The following SPINK8 variants were observed in gnomAD, a reference collection of about 807,000 sequenced individuals.
SPINK8 encodes serine peptidase inhibitor Kazal type 8 (putative).
In SPINK8, 12 loss-of-function variants were observed where a neutral mutation model predicts 14.4. The ratio of observed to expected loss-of-function variants is 0.83; its 90% CI spans 0.53 to 1.35. SPINK8 has a LOEUF of 1.35. Among genes scored for constraint, SPINK8 ranks in the 40% most tolerant of loss-of-function variants. The pLI is 0.00. For missense variants in SPINK8, 103 were observed against 117.0 expected (o/e 0.88, Z 0.55); for synonymous variants, 32 against 37.6 (o/e 0.85, Z 0.55).
chr3:48,327,109 A>G (rs969967220), intron 4 of SPINK8, among the ~76,000 whole-genome samples: 7 of 152,220 alleles, frequency 4.6e-5, no homozygotes, highest in African/African-American at 1.7e-4. Context: ...TAAGGGCCAC[A>G]TCACAAAGGC....
chr3:48,326,612 A>G (rs879773255), intron 4 of SPINK8, among the ~76,000 whole-genome samples: 119 of 150,862 alleles, frequency 7.9e-4, no homozygotes, highest in Non-Finnish European at 9.2e-4. Flanking sequence ...GTCTCAAGAA[A>G]AAAAAAAAAG....
At chr3:48,316,695 C>G (rs754536108) in intron 6 of SPINK8, among the ~76,000 whole-genome samples, 2 of 152,084 alleles carry the variant, frequency 1.3e-5, no homozygotes, top group Non-Finnish European at 2.9e-5. Flanking sequence ...ATCACTTGAG[C>G]CCAGGAGGTC....
At chr3:48,317,494 A>AT (rs1238027130) in intron 6 of SPINK8, among the ~76,000 whole-genome samples, 1 of 152,116 alleles carries the variant, frequency 6.6e-6, no homozygotes, top group African/African-American at 2.4e-5. Context: ...ATCTCAAAAA[A>AT]TAAAAAAAAA....
intron 2 of SPINK8, among the ~76,000 whole-genome samples, chr3:48,330,566 T>C (rs2036241372): frequency 6.6e-6 from 1 of 152,076 alleles, no homozygotes; most frequent in African/African-American, 2.4e-5. Flanking sequence ...AGCTCCCATA[T>C]GATGGGAAGA....
intron 4 of SPINK8, 129 bp downstream of exon 4, chr3:48,328,146 T>C (rs2036170846): frequency 2.8e-6 from 2 of 718,376 alleles, no homozygotes; most frequent in Non-Finnish European, 2.1e-6. Context: ...GGGTTTTAAT[T>C]TCTACATTTG....
At chr3:48,309,639 A>G (rs1209700070) in intron 7 of SPINK8, among the ~76,000 whole-genome samples, 2 of 152,248 alleles carry the variant, frequency 1.3e-5, no homozygotes, top group Admixed American at 6.5e-5. Flanking sequence ...TGAAGTATGT[A>G]GGAGTGAATA....
At chr3:48,315,140 CAA>C (rs1174515550) in intron 6 of SPINK8, among the ~76,000 whole-genome samples, 1 of 151,996 alleles carries the variant, frequency 6.6e-6, no homozygotes, top group Non-Finnish European at 1.5e-5. Context: ...CCATACATGA[CAA>C]AAAATGCATA....
chr3:48,308,062 C>T (rs764845969), intron 7 of SPINK8, among the ~76,000 whole-genome samples: 23 of 149,918 alleles, frequency 1.5e-4, no homozygotes, highest in Non-Finnish European at 4.4e-5. Context: ...CAAGCTCCAC[C>T]TCCCGGGTTC....
intron 6 of SPINK8, among the ~76,000 whole-genome samples, 181 bp downstream of exon 6, chr3:48,319,316 A>G (rs2036036822): frequency 6.6e-6 from 1 of 152,304 alleles, no homozygotes. Flanking sequence ...TCTGAATAGG[A>G]TCACATGTAC....
chr3:48,313,191 G>A (rs1575341251), intron 6 of SPINK8, among the ~76,000 whole-genome samples: 1 of 152,254 alleles, frequency 6.6e-6, no homozygotes, highest in East Asian at 1.9e-4. Flanking sequence ...TATCATGAAA[G>A]TAAAAGGCAA....
rs1356228781 is a variant in SPINK8 at position 48,319,512 on chromosome 3, A to C, written c.224T>G (p.Leu75Arg). The C allele has an allele frequency of 6.2e-7, 1 of 1,614,034 alleles. No individual in the cohort carries two copies. Among genetic ancestry groups the C allele is most frequent in the Non-Finnish European group, 8.5e-7 (1 of 1,179,876 alleles). Residue 75 changes from leucine to arginine, a missense_variant, in exon 6 of 8, where the codon CTG (leucine) becomes CGG (arginine). By Grantham distance (102) the Leu-to-Arg change is moderately radical. Coordinates refer to ENST00000434006, the MANE Select transcript of SPINK8 (RefSeq NM_001080525.3). ...DQVTYSSDCH[L>R]CSKILFEGLN... Reference sequence around the variant, plus strand: ...TAGGACTTACAGAATTTTGGAGCACAGATGGCAGTCACTACTGTAGGTAAC... The same window carrying C: ...TAGGACTTACAGAATTTTGGAGCACCGATGGCAGTCACTACTGTAGGTAAC...
rs199919970 is a variant in SPINK8 at position 48,310,496 on chromosome 3, AT to A, written c.240-551del. 3.8e-3 allele frequency among the ~76,000 whole-genome samples: 338 copies of A among 88,672 alleles called. 2 individuals carry two copies. Among genetic ancestry groups the A allele is most frequent in the East Asian group, 4.5e-3 (17 of 3,768 alleles). 58.2% of individuals were successfully genotyped at this position (88,672 alleles called of 152,430 possible). ...AGTACTGAATTCTACCAAAAAAAAA[AT>A]TTTTTTTTTTTTTTTTTGAGACAGA... On this transcript the variant is annotated intron_variant, in intron 6 of 7. Coordinates refer to ENST00000434006, the MANE Select transcript of SPINK8 (RefSeq NM_001080525.3).
intron 5 of SPINK8, 56 bp from the exon 6 acceptor site, chr3:48,319,674 G>C: frequency 2.5e-6 from 4 of 1,607,452 alleles, no homozygotes; most frequent in Non-Finnish European, 3.4e-6. Context: ...TCCTTTGGCC[G>C]TTATTATGTA....
intron 6 of SPINK8, among the ~76,000 whole-genome samples, chr3:48,315,825 A>G (rs1024850384): frequency 6.6e-6 from 1 of 151,984 alleles, no homozygotes; most frequent in African/African-American, 2.4e-5. Flanking sequence ...GCGAATATCA[A>G]TAAAGAGACA....
intron 6 of SPINK8, 23 bp downstream of exon 6, chr3:48,319,474 G>A (rs1384510199): frequency 6.2e-7 from 1 of 1,613,704 alleles, no homozygotes; most frequent in East Asian, 2.2e-5. Flanking sequence ...TTGAAAGAAA[G>A]GGAGAACAAA....
rs182940724 is a variant in SPINK8 at position 48,331,046 on chromosome 3, G to A, written c.-136+1320C>T. The stretch of plus-strand genomic sequence containing the variant: ...AAGGATCCCTGGTAGATCTTAGTCA[G>A]GGACTGCATCTGGGGCTCCATTTGA... On this transcript the variant is annotated intron_variant, in intron 2 of 7. Coordinates refer to ENST00000434006, the MANE Select transcript of SPINK8 (RefSeq NM_001080525.3). Among the ~76,000 whole-genome samples the A allele has an allele frequency of 2.0e-5, 3 of 152,192 alleles. No homozygotes were observed. The East Asian group carries it at 5.8e-4, about 29-fold the overall frequency.
chr3:48,326,256 G>A (rs1205196670), intron 4 of SPINK8, among the ~76,000 whole-genome samples: 1 of 152,164 alleles, frequency 6.6e-6, no homozygotes, highest in Non-Finnish European at 1.5e-5. Context: ...GGGAAAGATA[G>A]GCAGTGGCTT....
At chr3:48,330,375 T>A (rs1054915207) in intron 2 of SPINK8, among the ~76,000 whole-genome samples, 1 of 152,042 alleles carries the variant, frequency 6.6e-6, no homozygotes, top group Non-Finnish European at 1.5e-5. Flanking sequence ...AAAAATTAGC[T>A]GGGCGTGGTG....
intron 7 of SPINK8, among the ~76,000 whole-genome samples, chr3:48,309,601 A>C (rs1382410451): frequency 6.6e-6 from 1 of 152,256 alleles, no homozygotes; most frequent in Non-Finnish European, 1.5e-5. Flanking sequence ...TATGTAAGGA[A>C]ATGTCCAAAC....
Sources: allele counts gnomAD v4.1 joint callset (sites outside exome capture counted in the v4.1 genomes callset), GRCh38; gene constraint gnomAD v4.1.1; transcripts MANE v1.5; gene names NCBI Gene and HGNC (gene_info 2026-07-23, HGNC 2026-07-21).